The following PPM1B variants were observed in gnomAD, a reference collection of about 807,000 sequenced individuals.
PPM1B encodes the protein protein phosphatase 1B.
PPM1B carries 22 observed loss-of-function variants against 43.0 expected under a neutral mutation model. The observed-to-expected ratio is 0.51, with a 90% confidence interval of 0.37 to 0.73. PPM1B has a LOEUF of 0.73. PPM1B is among the 30% of genes least tolerant of loss of function. PPM1B has a pLI of 0.00. For synonymous variants in PPM1B, 217 were observed against 197.9 expected (o/e 1.10, Z -0.81); for missense variants, 632 against 584.2 (o/e 1.08, Z -0.84).
intron 5 of PPM1B, among the ~76,000 whole-genome samples, chr2:44,219,914 C>T (rs1192532202): frequency 1.3e-5 from 2 of 151,378 alleles, no homozygotes; most frequent in East Asian, 3.9e-4. Context: ...TTGCACTCCA[C>T]CCTGGGCAAC....
intron 3 of PPM1B, among the ~76,000 whole-genome samples, chr2:44,215,946 C>G (rs1669699171): frequency 6.6e-6 from 1 of 152,064 alleles, no homozygotes; most frequent in Non-Finnish European, 1.5e-5. Context: ...ATGACAACAG[C>G]AAAGACTAGG....
chr2:44,230,353 G>A, intron 5 of PPM1B, 60 bp from the exon 6 acceptor site: 1 of 1,577,150 alleles, frequency 6.3e-7, no homozygotes, highest in Non-Finnish European at 8.6e-7. Flanking sequence ...AATGTGTTAT[G>A]AAATACATGT....
chr2:44,202,836 T>C (rs1274643705), intron 2 of PPM1B, among the ~76,000 whole-genome samples: 1 of 152,194 alleles, frequency 6.6e-6, no homozygotes, highest in Non-Finnish European at 1.5e-5. Context: ...CCTTTGAATA[T>C]CTTTAAAATA....
intron 1 of PPM1B, among the ~76,000 whole-genome samples, chr2:44,175,785 A>AC (rs1667554924): frequency 7.2e-6 from 1 of 138,296 alleles, no homozygotes; most frequent in African/African-American, 2.7e-5. Flanking sequence ...TTGGTTTGAG[A>AC]TTTTTTTTTT....
At chr2:44,212,468 C>T (rs995150499) in intron 3 of PPM1B, among the ~76,000 whole-genome samples, 3 of 152,148 alleles carry the variant, frequency 2.0e-5, no homozygotes, top group African/African-American at 7.2e-5. Flanking sequence ...CACTATTTCC[C>T]CCTCCACTCC....
At chr2:44,170,558 G>A (rs911688416) in intron 1 of PPM1B, among the ~76,000 whole-genome samples, 1 of 152,226 alleles carries the variant, frequency 6.6e-6, no homozygotes, top group Admixed American at 6.5e-5. Context: ...ATTGTTCAGA[G>A]TAGACAGTGT....
chr2:44,203,219 T>C (rs372076944), intron 2 of PPM1B, among the ~76,000 whole-genome samples: 46 of 152,326 alleles, frequency 3.0e-4, no homozygotes, highest in African/African-American at 1.1e-3. Context: ...ACAGCCTTTT[T>C]CTGAAAGGAT....
rs966757652 is a variant in PPM1B, at chr2:44,205,516, C to A, written c.846+3471C>A. On this transcript the variant is annotated intron_variant, in intron 2 of 5. Coordinates refer to ENST00000282412, the MANE Select transcript of PPM1B (RefSeq NM_002706.6). The stretch of plus-strand genomic sequence containing the variant: ...CCCCTTGATGTTTCTGCTTTCCAGT[C>A]TCATCTCACTTAGGGAACCACTGCT... Among the ~76,000 whole-genome samples, 5 of 152,080 alleles carry A rather than the reference C, an allele frequency of 3.3e-5. No homozygotes were observed. In the South Asian group the frequency reaches 1.0e-3, roughly 32 times the overall value.
intron 1 of PPM1B, among the ~76,000 whole-genome samples, chr2:44,178,489 C>CTTT (rs1667700883): frequency 7.8e-6 from 1 of 128,398 alleles, no homozygotes; most frequent in African/African-American, 3.0e-5. Flanking sequence ...TTTTTTTAGA[C>CTTT]AGAGTTTCGC....
At chr2:44,228,463 C>T (rs1670324314) in intron 5 of PPM1B, among the ~76,000 whole-genome samples, 2 of 152,264 alleles carry the variant, frequency 1.3e-5, no homozygotes, top group South Asian at 4.1e-4. Context: ...CGAGTCACTG[C>T]TCCTGGCCAA....
downstream of PPM1B, among the ~76,000 whole-genome samples, chr2:44,238,619 T>G (rs1410842225): frequency 6.6e-6 from 1 of 151,940 alleles, no homozygotes; most frequent in African/African-American, 2.4e-5. Flanking sequence ...GGAAAATCTC[T>G]TGAACCTGGG....
downstream of PPM1B, chr2:44,232,586 G>A (rs1428648605): frequency 7.6e-7 from 1 of 1,319,288 alleles, no homozygotes. Flanking sequence ...CGTTACATCT[G>A]TATTGAACTT....
At chr2:44,211,969 G>C (rs1289885782) in intron 3 of PPM1B, among the ~76,000 whole-genome samples, 1 of 152,016 alleles carries the variant, frequency 6.6e-6, no homozygotes, top group Non-Finnish European at 1.5e-5. Flanking sequence ...GGCTGATCTC[G>C]AACTTTCTGA....
intron 5 of PPM1B, among the ~76,000 whole-genome samples, chr2:44,228,594 A>G (rs975310918): frequency 1.3e-5 from 2 of 152,230 alleles, no homozygotes; most frequent in Non-Finnish European, 2.9e-5. Context: ...AATAGTCTCT[A>G]AAGATGGTTA....
intron 1 of PPM1B, among the ~76,000 whole-genome samples, chr2:44,185,077 T>C (rs1236639369): frequency 6.6e-6 from 1 of 151,828 alleles, no homozygotes; most frequent in Non-Finnish European, 1.5e-5. Context: ...TAATCCTAAT[T>C]ATTGTATACA....
chr2:44,242,406 A>T (rs936607786), intron 5 of PPM1B, among the ~76,000 whole-genome samples: 15 of 152,208 alleles, frequency 9.9e-5, no homozygotes, highest in African/African-American at 3.6e-4. Context: ...TCCTTAAAAA[A>T]GGTAAAGATG....
chr2:44,177,612 G>C (rs1427465475), intron 1 of PPM1B, among the ~76,000 whole-genome samples: 1 of 151,682 alleles, frequency 6.6e-6, no homozygotes, highest in Non-Finnish European at 1.5e-5. Context: ...AGAGACAGGG[G>C]TCTCACCATG....
At chr2:44,171,165 C>G (rs563686381) in intron 1 of PPM1B, among the ~76,000 whole-genome samples, 38 of 152,160 alleles carry the variant, frequency 2.5e-4, no homozygotes, top group Non-Finnish European at 4.7e-4. Context: ...ACCAGCAGAG[C>G]TTTCAACACC....
At chr2:44,180,150 A>T (rs1007211417) in intron 1 of PPM1B, among the ~76,000 whole-genome samples, 1 of 152,202 alleles carries the variant, frequency 6.6e-6, no homozygotes, top group Non-Finnish European at 1.5e-5. Flanking sequence ...CAATTGCTTA[A>T]TACTTAAGGG....
Sources: gnomAD v4.1 joint callset for allele counts (sites outside exome capture counted in the v4.1 genomes callset) on GRCh38, gnomAD v4.1.1 for gene constraint, MANE v1.5 for transcripts, NCBI Gene and HGNC (gene_info 2026-07-23, HGNC 2026-07-21) for gene names.